Variants in ADGRB3 observed in about 807,000 individuals in gnomAD.
ADGRB3 encodes the protein brain-specific angiogenesis inhibitor 3.
Under a neutral mutation model 193.4 loss-of-function variants are expected in ADGRB3, and 37 were observed. The ratio of observed to expected loss-of-function variants is 0.19; its 90% CI spans 0.15 to 0.25. ADGRB3 has a LOEUF of 0.25. ADGRB3 is among the 10% of genes least tolerant of loss of function. The probability of loss-of-function intolerance (pLI) is 1.00; values close to 1 mark genes in which losing one functional copy is unlikely to be tolerated. For missense variants in ADGRB3, 1,637 were observed against 1,852.9 expected (o/e 0.88, Z 2.14); for synonymous variants, 690 against 644.2 (o/e 1.07, Z -1.08).
intron 17 of ADGRB3, among the ~76,000 whole-genome samples, chr6:69,103,299 G>T (rs1301353351): frequency 6.6e-6 from 1 of 152,122 alleles, no homozygotes; most frequent in Admixed American, 6.5e-5. Flanking sequence ...AGTATTTGCT[G>T]AAATGAAATA....
chr6:68,962,669 T>A (rs1178593799), intron 8 of ADGRB3, among the ~76,000 whole-genome samples: 1 of 152,190 alleles, frequency 6.6e-6, no homozygotes, highest in African/African-American at 2.4e-5. Flanking sequence ...ATTGTTTTTC[T>A]GGGAAAAAAT....
At chr6:69,229,692 A>G (rs563981497) in intron 17 of ADGRB3, among the ~76,000 whole-genome samples, 10 of 152,290 alleles carry the variant, frequency 6.6e-5, no homozygotes, top group African/African-American at 2.2e-4. Flanking sequence ...AATTTTTGCT[A>G]TCAGTCTTTT....
intron 3 of ADGRB3, among the ~76,000 whole-genome samples, chr6:68,868,911 ATGTG>A (rs375255522): frequency 2.6e-4 from 36 of 139,840 alleles, no homozygotes; most frequent in East Asian, 2.4e-3. Flanking sequence ...CCAGATAATG[ATGTG>A]TGTGTGTGTG....
chr6:68,671,982 T>A (rs1640558822), intron 3 of ADGRB3, among the ~76,000 whole-genome samples: 1 of 152,040 alleles, frequency 6.6e-6, no homozygotes, highest in Non-Finnish European at 1.5e-5. Flanking sequence ...TTCTTTCTTG[T>A]TCAATCTTGG....
chr6:69,323,022 G>A (rs1248304753), intron 20 of ADGRB3, among the ~76,000 whole-genome samples: 1 of 151,916 alleles, frequency 6.6e-6, no homozygotes, highest in African/African-American at 2.4e-5. Context: ...GTGAATACCA[G>A]GGAGATGTGA....
chr6:69,084,143 T>C (rs1163627904), intron 17 of ADGRB3, among the ~76,000 whole-genome samples: 1 of 152,178 alleles, frequency 6.6e-6, no homozygotes, highest in East Asian at 1.9e-4. Flanking sequence ...TAGTGTTTGA[T>C]CTTTCATCTT....
At chr6:68,797,886 G>T (rs1052099731) in intron 3 of ADGRB3, among the ~76,000 whole-genome samples, 2 of 151,988 alleles carry the variant, frequency 1.3e-5, no homozygotes, top group Non-Finnish European at 2.9e-5. Flanking sequence ...TAATTCTTTT[G>T]CTTTATTAGT....
chr6:68,878,931 G>A (rs563589413), intron 3 of ADGRB3, among the ~76,000 whole-genome samples: 113 of 152,192 alleles, frequency 7.4e-4, no homozygotes, highest in African/African-American at 2.4e-3. Flanking sequence ...ATCATATCTC[G>A]TGAGACTTAC....
intron 10 of ADGRB3, among the ~76,000 whole-genome samples, chr6:68,976,097 A>G (rs1768739099): frequency 1.3e-5 from 2 of 152,156 alleles, no homozygotes; most frequent in African/African-American, 4.8e-5. Flanking sequence ...TCTTGGCAGG[A>G]GTGATGTTTA....
intron 20 of ADGRB3, among the ~76,000 whole-genome samples, chr6:69,276,809 T>A (rs1044826819): frequency 3.3e-5 from 5 of 152,106 alleles, no homozygotes; most frequent in Non-Finnish European, 7.4e-5. Context: ...AGAGGAAACT[T>A]TTTGAGGTGA....
intron 3 of ADGRB3, among the ~76,000 whole-genome samples, chr6:68,690,201 C>G (rs1397277594): frequency 6.6e-6 from 1 of 152,068 alleles, no homozygotes; most frequent in Admixed American, 6.6e-5. Context: ...AATGCAGATA[C>G]AAAGCTTAGC....
intron 13 of ADGRB3, among the ~76,000 whole-genome samples, chr6:69,037,507 A>G (rs146417902): frequency 5.5e-4 from 84 of 152,282 alleles, no homozygotes; most frequent in Non-Finnish European, 1.0e-3. Flanking sequence ...CCTAAAACTA[A>G]TTTTAGAGTG....
At chr6:68,724,507 T>C (rs534864091) in intron 3 of ADGRB3, among the ~76,000 whole-genome samples, 2 of 151,736 alleles carry the variant, frequency 1.3e-5, no homozygotes, top group African/African-American at 2.4e-5. Flanking sequence ...GCATCTTTTA[T>C]AATTTAAGAA....
rs779693752 is a variant in ADGRB3, at chr6:68,956,078, C to T, written c.1250C>T (p.Ser417Leu). Residue 417 changes from serine to leucine, a missense_variant, in exon 7 of 32, where the codon TCG (serine) becomes TTG (leucine). By Grantham distance (145) the Ser-to-Leu change is moderately radical. Around this residue, in one of 7 missense-constraint regions of ADGRB3, gnomAD observed 641 missense variants for 673.9 expected, o/e 0.95. Transcript: ENST00000370598. ...TGGAGCCAGTGCTCAGTAACGTGCT[C>T]GAATGGGACTCAGCAGAGAAGCCGG... ...SSWSQCSVTC[S>L]NGTQQRSRQC... 3.2e-5 allele frequency: 51 copies of T among 1,613,866 alleles called. 1 individual carries two copies. Among genetic ancestry groups the T allele is most frequent in the African/African-American group, 4.0e-5 (3 of 75,000 alleles).
chr6:69,006,456 A>T (rs1180090563), intron 11 of ADGRB3, among the ~76,000 whole-genome samples: 2 of 152,084 alleles, frequency 1.3e-5, no homozygotes, highest in Non-Finnish European at 2.9e-5. Flanking sequence ...TACCTAGTTA[A>T]AAGAATGGTC....
At chr6:69,177,918 C>T (rs1273867082) in intron 17 of ADGRB3, among the ~76,000 whole-genome samples, 1 of 152,174 alleles carries the variant, frequency 6.6e-6, no homozygotes, top group Non-Finnish European at 1.5e-5. Flanking sequence ...TTCTCTGGCT[C>T]ATGGGTGGAG....
intron 20 of ADGRB3, among the ~76,000 whole-genome samples, chr6:69,311,248 G>T (rs541778156): frequency 6.6e-6 from 1 of 151,866 alleles, no homozygotes; most frequent in Non-Finnish European, 1.5e-5. Flanking sequence ...GTCAAACAGG[G>T]AAGGAGATGA....
chr6:68,946,799 C>G (rs1216359075), intron 6 of ADGRB3, among the ~76,000 whole-genome samples: 1 of 152,082 alleles, frequency 6.6e-6, no homozygotes, highest in Non-Finnish European at 1.5e-5. Context: ...AAGCTTCCTG[C>G]TTTTAATAAA....
At chr6:69,043,875 C>T (rs1339664437) in intron 13 of ADGRB3, among the ~76,000 whole-genome samples, 1 of 152,028 alleles carries the variant, frequency 6.6e-6, no homozygotes, top group Non-Finnish European at 1.5e-5. Flanking sequence ...AATAAGTATA[C>T]AAAGCAGCAG....
Sources: allele counts gnomAD v4.1 joint callset (sites outside exome capture counted in the v4.1 genomes callset), GRCh38; gene constraint gnomAD v4.1.1; regional missense constraint gnomAD v4.1.1; transcripts MANE v1.5; gene names NCBI Gene and HGNC (gene_info 2026-07-23, HGNC 2026-07-21).